Variants in TMEM132C observed in about 807,000 individuals in gnomAD.
TMEM132C encodes the protein transmembrane protein 132C, also known as protein phosphatase 1, regulatory subunit 152.
In TMEM132C, 29 loss-of-function variants were observed where a neutral mutation model predicts 61.4. The ratio of observed to expected loss-of-function variants is 0.47; its 90% CI spans 0.35 to 0.64. The LOEUF (loss-of-function observed/expected upper bound fraction) is 0.64. TMEM132C is among the 30% of genes least tolerant of loss of function. The pLI is 0.00. For synonymous variants in TMEM132C, 656 were observed against 633.1 expected (o/e 1.04, Z -0.54); for missense variants, 1,408 against 1,476.9 (o/e 0.95, Z 0.76).
In TMEM132C at chr12:128,669,400, T is replaced by C. The variant is rs1279055175; in HGVS notation, c.1306-17T>C. On this transcript the variant is annotated splice_polypyrimidine_tract_variant and intron_variant, in intron 4 of 8. Coordinates refer to ENST00000435159, the MANE Select transcript of TMEM132C (RefSeq NM_001136103.3). ...GAATATCTCCCTTGACCCAGTGTGTTTGATTCTTTTTGGCAGGACACTGAA... is the reference window on the plus strand; with the variant it reads ...GAATATCTCCCTTGACCCAGTGTGTCTGATTCTTTTTGGCAGGACACTGAA... 4 of 1,551,412 alleles carry C rather than the reference T, an allele frequency of 2.6e-6. No homozygotes were observed. Among genetic ancestry groups the C allele is most frequent in the Non-Finnish European group, 3.5e-6 (4 of 1,146,860 alleles).
At chr12:128,586,154 G>A (rs1333805030) in intron 3 of TMEM132C, among the ~76,000 whole-genome samples, 1 of 151,990 alleles carries the variant, frequency 6.6e-6, no homozygotes, top group South Asian at 2.1e-4. Flanking sequence ...GGGATTTGAG[G>A]AATTAAGGGT....
chr12:128,592,389 C>T (rs1294249879), intron 3 of TMEM132C, among the ~76,000 whole-genome samples: 1 of 152,234 alleles, frequency 6.6e-6, no homozygotes, highest in African/African-American at 2.4e-5. Context: ...TGACCACACA[C>T]TCCTCCCAGT....
At chr12:128,616,387 C>T in intron 4 of TMEM132C, 52 bp downstream of exon 4, 1 of 1,470,500 alleles carries the variant, frequency 6.8e-7, no homozygotes, top group Non-Finnish European at 9.2e-7. Context: ...CTGACTGCAT[C>T]CTGTGTCCTT....
intron 1 of TMEM132C, among the ~76,000 whole-genome samples, chr12:128,391,888 C>G (rs144401597): frequency 3.2e-4 from 48 of 152,242 alleles, no homozygotes; most frequent in Non-Finnish European, 6.5e-4. Context: ...TAAGAATAGT[C>G]TTTATATTTT....
At position 128,467,518 on chromosome 12, in the gene TMEM132C, C is replaced by T. The variant is rs1000212030; in HGVS notation, c.974+51898C>T. Among the ~76,000 whole-genome samples, 4 of 152,086 alleles carry T rather than the reference C, an allele frequency of 2.6e-5. 1 individual carries two copies. The highest frequency in any genetic ancestry group is 7.2e-5 in the African/African-American group (3 of 41,428). On this transcript the variant is annotated intron_variant, in intron 2 of 8. Transcript: ENST00000435159. ...TGATTGTGAGCCAACTGAGCTGTTTCGTTGTGTTTTCTTTTCATTCCATTT... is the reference window on the plus strand; with the variant it reads ...TGATTGTGAGCCAACTGAGCTGTTTTGTTGTGTTTTCTTTTCATTCCATTT...
chr12:128,468,316 A>C (rs894834333), intron 2 of TMEM132C, among the ~76,000 whole-genome samples: 1 of 147,176 alleles, frequency 6.8e-6, no homozygotes, highest in African/African-American at 2.7e-5. Context: ...GACCAAATTT[A>C]CTTTTTTTTT....
At chr12:128,536,485 C>G (rs1160657691) in intron 2 of TMEM132C, among the ~76,000 whole-genome samples, 1 of 151,790 alleles carries the variant, frequency 6.6e-6, no homozygotes, top group East Asian at 1.9e-4. Flanking sequence ...GCACATGTAT[C>G]AAACCTGCAC....
At chr12:128,668,373 C>T (rs1954499197) in intron 4 of TMEM132C, among the ~76,000 whole-genome samples, 1 of 152,184 alleles carries the variant, frequency 6.6e-6, no homozygotes, top group South Asian at 2.1e-4. Context: ...ACAATCATAT[C>T]CCATGCTATA....
chr12:128,664,210 ACATGCCTGTGTGTG>A (rs1286162218), intron 4 of TMEM132C, among the ~76,000 whole-genome samples: 27 of 91,502 alleles, frequency 3.0e-4, no homozygotes, highest in Middle Eastern at 7.4e-3. Flanking sequence ...AGGCACACAC[ACATGCCTGTGTGTG>A]TTCCATGAAG....
chr12:128,322,020 C>T (rs1448980566), intron 1 of TMEM132C, among the ~76,000 whole-genome samples: 1 of 152,206 alleles, frequency 6.6e-6, no homozygotes, highest in Non-Finnish European at 1.5e-5. Context: ...ACCAGACCCA[C>T]ACACTCTCCC....
intron 1 of TMEM132C, among the ~76,000 whole-genome samples, chr12:128,381,536 T>C (rs1289061797): frequency 1.3e-5 from 2 of 152,118 alleles, no homozygotes; most frequent in Non-Finnish European, 1.5e-5. Context: ...GGCTTAATAA[T>C]AATATAACCG....
At chr12:128,268,865 G>GAGA in intron 1 of TMEM132C, among the ~76,000 whole-genome samples, 1 of 138,030 alleles carries the variant, frequency 7.2e-6, no homozygotes, top group African/African-American at 2.7e-5. Context: ...GCTCCAGGTA[G>GAGA]GGAGGAGGGT....
intron 4 of TMEM132C, among the ~76,000 whole-genome samples, chr12:128,654,356 AG>A: frequency 6.6e-6 from 1 of 152,236 alleles, no homozygotes; most frequent in South Asian, 2.1e-4. Context: ...AGGAAGAGGC[AG>A]GGAAGGATCC....
At chr12:128,648,201 G>A (rs1420114002) in intron 4 of TMEM132C, among the ~76,000 whole-genome samples, 1 of 152,070 alleles carries the variant, frequency 6.6e-6, no homozygotes, top group Non-Finnish European at 1.5e-5. Context: ...GAGTCCATCA[G>A]CGTTGGATGT....
At chr12:128,410,941 A>G (rs1038087481) in intron 1 of TMEM132C, among the ~76,000 whole-genome samples, 14 of 152,284 alleles carry the variant, frequency 9.2e-5, no homozygotes, top group African/African-American at 3.4e-4. Context: ...AGTTCTTTCA[A>G]CTTTCTTCTT....
At chr12:128,625,113 G>A (rs911858252) in intron 4 of TMEM132C, among the ~76,000 whole-genome samples, 5 of 152,210 alleles carry the variant, frequency 3.3e-5, no homozygotes, top group Non-Finnish European at 7.3e-5. Flanking sequence ...AATCCACACG[G>A]CTCTCTGAAC....
At position 128,320,034 on chromosome 12, in the gene TMEM132C, A is replaced by T. The variant is rs117448386; in HGVS notation, c.85+52547A>T. On this transcript the variant is annotated intron_variant, in intron 1 of 8. Coordinates refer to ENST00000435159, the MANE Select transcript of TMEM132C (RefSeq NM_001136103.3). ...CAAGGATATTGAAAAAGAAAGAAAG[A>T]AAAAAAACCTGTTGAATCAGCCCTA... Among the ~76,000 whole-genome samples the T allele has an allele frequency of 8.2e-3, 1,247 of 151,298 alleles. 10 individuals carry two copies. Among genetic ancestry groups the T allele is most frequent in the Non-Finnish European group, 0.014 (930 of 67,974 alleles).
At chr12:128,289,961 G>A (rs1325904504) in intron 1 of TMEM132C, among the ~76,000 whole-genome samples, 1 of 152,132 alleles carries the variant, frequency 6.6e-6, no homozygotes, top group Non-Finnish European at 1.5e-5. Context: ...AAGATGGGCA[G>A]GCAGATCTGA....
At chr12:128,494,696 C>A (rs1031785782) in intron 2 of TMEM132C, among the ~76,000 whole-genome samples, 3 of 151,726 alleles carry the variant, frequency 2.0e-5, no homozygotes, top group African/African-American at 7.3e-5. Context: ...TGGTGATATC[C>A]CCTTTATCAT....
Sources: allele counts gnomAD v4.1 joint callset (sites outside exome capture counted in the v4.1 genomes callset), GRCh38; gene constraint gnomAD v4.1.1; transcripts MANE v1.5; gene names NCBI Gene and HGNC (gene_info 2026-07-23, HGNC 2026-07-21).